Variants in STK38 observed in about 807,000 individuals in gnomAD.
STK38 encodes the protein serine/threonine kinase 38, also known as serine/threonine-protein kinase 38.
STK38 carries 26 observed loss-of-function variants against 59.0 expected under a neutral mutation model. That is an observed-to-expected ratio of 0.44 (90% CI 0.32 to 0.61). The LOEUF is 0.61. Ranked by LOEUF, STK38 falls within the 20% of genes least tolerant of loss-of-function variation. The pLI, the probability that STK38 is intolerant of heterozygous loss-of-function variation, is 0.04. For missense variants in STK38, 433 were observed against 566.0 expected, an observed-to-expected ratio of 0.76 and a Z score of 2.38; for synonymous variants, 175 against 176.6, an observed-to-expected ratio of 0.99 and a Z score of 0.07.
intron 2 of STK38, 118 bp downstream of exon 2, chr6:36,539,954 T>C: frequency 6.7e-7 from 1 of 1,490,236 alleles, no homozygotes; most frequent in East Asian, 2.4e-5. Flanking sequence ...CATTCCATTA[T>C]GATAGTCTAT....
At position 36,514,719 on chromosome 6, in the gene STK38, T is replaced by C. The variant is rs1331183609; in HGVS notation, c.669+619A>G. ...GGCTGGGCAGGGGCGTGGTGGTGCATGCCTGTAATCCCAGCTACTTGGGAG... is the reference window on the plus strand; with the variant it reads ...GGCTGGGCAGGGGCGTGGTGGTGCACGCCTGTAATCCCAGCTACTTGGGAG... On this transcript the variant is annotated intron_variant, in intron 7 of 13. Transcript: ENST00000229812. Among the ~76,000 whole-genome samples the C allele has an allele frequency of 2.0e-5, 3 of 151,434 alleles. No homozygotes were observed. The East Asian group carries it at 5.8e-4, about 29-fold the overall frequency.
intron 9 of STK38, among the ~76,000 whole-genome samples, chr6:36,506,313 G>C (rs908856701): frequency 6.6e-6 from 1 of 152,094 alleles, no homozygotes; most frequent in Admixed American, 6.5e-5. Flanking sequence ...GAGAAAAGGT[G>C]GGGCAGGAAG....
chr6:36,496,007 GTTTCTA>G, intron 13 of STK38, 93 bp from the exon 14 acceptor site: 1 of 1,222,050 alleles, frequency 8.2e-7, no homozygotes, highest in East Asian at 2.7e-5. Context: ...GAACACACCA[GTTTCTA>G]TTTGGGAAAG....
At chr6:36,513,311 T>C (rs558841582) in intron 7 of STK38, among the ~76,000 whole-genome samples, 1 of 139,076 alleles carries the variant, frequency 7.2e-6, no homozygotes, top group Admixed American at 7.5e-5. Flanking sequence ...AGCCACTGCG[T>C]CTGGCCTTTT....
chr6:36,535,676 G>C (rs1157440100), intron 2 of STK38, among the ~76,000 whole-genome samples: 1 of 151,802 alleles, frequency 6.6e-6, no homozygotes, highest in Non-Finnish European at 1.5e-5. Context: ...AGGAGATCGA[G>C]ACCATCCTGG....
Position 36,499,948 on chromosome 6 carries a change from C to A in STK38, c.877G>T (p.Val293Leu), listed in dbSNP as rs189442615. 6 of 1,614,116 alleles carry A rather than the reference C, an allele frequency of 3.7e-6. No homozygotes were observed. The East Asian group carries it at 1.3e-4, about 36-fold the overall frequency. ...TTGTTGTACCCGGTCTGCATGAACA[C>A]CTCAGGAGCAATGTAGTCAGGAGTG... is the stretch of plus-strand genomic sequence containing the variant. ...VGTPDYIAPE[V>L]FMQTGYNKLC... Residue 293 changes from valine (V) to leucine (L), a missense_variant, in exon 10 of 14, where the codon GTG becomes TTG. Val to Leu is a conservative substitution (Grantham distance 32). Around this residue, in one of 3 missense-constraint regions of STK38, gnomAD observed 293 missense variants for 388.2 expected, o/e 0.75. Coordinates refer to ENST00000229812, the MANE Select transcript of STK38 (RefSeq NM_007271.4).
At chr6:36,516,415 G>A (rs938977132) in intron 6 of STK38, among the ~76,000 whole-genome samples, 1 of 152,154 alleles carries the variant, frequency 6.6e-6, no homozygotes, top group Non-Finnish European at 1.5e-5. Flanking sequence ...ACTTATGTTA[G>A]AAAACAAGGA....
intron 7 of STK38, among the ~76,000 whole-genome samples, chr6:36,512,691 G>A (rs539109609): frequency 3.3e-5 from 5 of 151,924 alleles, no homozygotes; most frequent in Admixed American, 2.0e-4. Flanking sequence ...ATGGAGTCTC[G>A]CTCTGTTGGC....
At chr6:36,500,513 G>C (rs986323723) in intron 9 of STK38, among the ~76,000 whole-genome samples, 7 of 152,024 alleles carry the variant, frequency 4.6e-5, no homozygotes, top group African/African-American at 1.7e-4. Context: ...TGTAATCCCA[G>C]CACTTTGAGA....
chr6:36,509,231 T>G (rs1254630200), intron 7 of STK38, among the ~76,000 whole-genome samples: 1 of 152,174 alleles, frequency 6.6e-6, no homozygotes, highest in African/African-American at 2.4e-5. Flanking sequence ...TGAGCGACAG[T>G]ACAGCTCTCA....
In STK38 at chr6:36,539,078, G is replaced by C. The variant is rs544560204; in HGVS notation, c.131+994C>G. Reference sequence around the variant, plus strand: ...GAATACTTTCATAGTAAAATATTGGGAAAAATTTTTTTTTAATTATGAGTT... The same window carrying C: ...GAATACTTTCATAGTAAAATATTGGCAAAAATTTTTTTTTAATTATGAGTT... On this transcript the variant is annotated intron_variant, in intron 2 of 13. Coordinates refer to ENST00000229812, the MANE Select transcript of STK38 (RefSeq NM_007271.4). Among the ~76,000 whole-genome samples, 56 of 150,522 alleles carry C rather than the reference G, an allele frequency of 3.7e-4. 2 individuals carry two copies. The South Asian group carries it at 0.012, about 32-fold the overall frequency.
intron 2 of STK38, among the ~76,000 whole-genome samples, chr6:36,537,039 G>A (rs1285754940): frequency 6.6e-6 from 1 of 152,072 alleles, no homozygotes; most frequent in East Asian, 1.9e-4. Flanking sequence ...ACAAAGGTCT[G>A]ATATGTAGGA....
At chr6:36,515,284 G>C in intron 7 of STK38, 54 bp downstream of exon 7, 1 of 1,583,162 alleles carries the variant, frequency 6.3e-7, no homozygotes, top group Non-Finnish European at 8.6e-7. Flanking sequence ...TGTTAAAGCA[G>C]AGGCTGCTCA....
chr6:36,541,485 C>G (rs528215945), intron 1 of STK38, among the ~76,000 whole-genome samples: 19 of 152,220 alleles, frequency 1.2e-4, no homozygotes, highest in African/African-American at 4.3e-4. Flanking sequence ...AAAAATTCAT[C>G]ACAAGGAGGT....
At chr6:36,535,410 T>C (rs1561991494) in intron 2 of STK38, among the ~76,000 whole-genome samples, 2 of 143,450 alleles carry the variant, frequency 1.4e-5, no homozygotes, top group Non-Finnish European at 3.1e-5. Flanking sequence ...GATCACACCG[T>C]TGCACTCCAG....
intron 1 of STK38, among the ~76,000 whole-genome samples, chr6:36,541,548 C>A (rs1405422172): frequency 6.6e-6 from 1 of 152,130 alleles, no homozygotes; most frequent in African/African-American, 2.4e-5. Context: ...TGAATATACA[C>A]AATAGAATTA....
intron 1 of STK38, among the ~76,000 whole-genome samples, chr6:36,543,053 T>C (rs1259311348): frequency 1.3e-5 from 2 of 152,164 alleles, no homozygotes; most frequent in Non-Finnish European, 2.9e-5. Context: ...TGCTCCAGCA[T>C]TGGCAATAGC....
chr6:36,534,101 T>C (rs983579074), intron 2 of STK38, among the ~76,000 whole-genome samples: 1 of 152,110 alleles, frequency 6.6e-6, no homozygotes, highest in Non-Finnish European at 1.5e-5. Flanking sequence ...AAGGAGATAA[T>C]ACAATGTCAT....
At position 36,495,409 on chromosome 6, in the gene STK38, CA is replaced by C; in HGVS notation, c.*374del. On this transcript the variant is annotated 3_prime_UTR_variant, in exon 14 of 14. Transcript: ENST00000229812. ...TGGCAGAGAGCGTGTCACAAAATTA[CA>C]GGAACTGGCTGATATTCGATGACTA... 3 of 177,694 alleles carry C rather than the reference CA, an allele frequency of 1.7e-5. No homozygotes were observed. The highest frequency in any genetic ancestry group is 5.7e-5 in the Admixed American group (1 of 17,536). 11.0% of individuals were successfully genotyped at this position (177,694 alleles called of 1,614,324 possible).
Sources: allele counts gnomAD v4.1 joint callset (sites outside exome capture counted in the v4.1 genomes callset), GRCh38; gene constraint gnomAD v4.1.1; regional missense constraint gnomAD v4.1.1; transcripts MANE v1.5; gene names NCBI Gene and HGNC (gene_info 2026-07-23, HGNC 2026-07-21).